NBEAL1: variants seen among roughly 807,000 people sequenced by gnomAD.
The protein encoded by NBEAL1 is neurobeachin like 1.
A neutral mutation model predicts 351.3 loss-of-function variants in NBEAL1; 273 were observed. The observed-to-expected ratio is 0.78, with a 90% CI of 0.70 to 0.86. NBEAL1 has a LOEUF of 0.86. Ranked by LOEUF, NBEAL1 falls within the 40% of genes least tolerant of loss-of-function variation. NBEAL1 has a pLI of 0.00. For missense variants in NBEAL1, 2,961 were observed against 3,201.3 expected, an observed-to-expected ratio of 0.92 and a Z score of 1.81; for synonymous variants, 1,050 against 1,086.4, an observed-to-expected ratio of 0.97 and a Z score of 0.66.
chr2:203,161,042 G>A (rs1447743997), intron 36 of NBEAL1, among the ~76,000 whole-genome samples: 1 of 151,938 alleles, frequency 6.6e-6, no homozygotes, highest in Admixed American at 6.6e-5. Flanking sequence ...AAATAGGCCA[G>A]GGAGGCTGGG....
chr2:203,167,485 TA>T, intron 38 of NBEAL1, 125 bp downstream of exon 38: 1 of 968,832 alleles, frequency 1.0e-6, no homozygotes, highest in South Asian at 2.1e-5. Flanking sequence ...AAAAAATACA[TA>T]CTTTGGGGGC....
intron 17 of NBEAL1, among the ~76,000 whole-genome samples, chr2:203,114,956 T>A (rs1190673281): frequency 3.3e-5 from 5 of 152,080 alleles, no homozygotes; most frequent in Non-Finnish European, 7.4e-5. Context: ...TTCGCCATGT[T>A]CGCTAGGCTG....
chr2:203,120,582 G>A (rs1000958600), intron 18 of NBEAL1, among the ~76,000 whole-genome samples: 1 of 152,162 alleles, frequency 6.6e-6, no homozygotes. Context: ...ATGTGTTTGG[G>A]TATAGGACAC....
At chr2:203,050,473 A>G (rs990058990) in intron 4 of NBEAL1, among the ~76,000 whole-genome samples, 3 of 152,156 alleles carry the variant, frequency 2.0e-5, no homozygotes, top group African/African-American at 7.2e-5. Context: ...ATTAAAGTCA[A>G]TGACAGTTTT....
In NBEAL1 at chr2:203,217,940, TA is replaced by T; in HGVS notation, c.*587del. 1.0e-6 allele frequency: 1 copy of T among 953,458 alleles called. No individual in the cohort carries two copies. The highest frequency in any genetic ancestry group is 1.2e-6 in the Non-Finnish European group (1 of 800,884). 59.1% of individuals were successfully genotyped at this position (953,458 alleles called of 1,614,324 possible). On this transcript the variant is annotated 3_prime_UTR_variant, in exon 56 of 56. Coordinates refer to ENST00000683969, the MANE Select transcript of NBEAL1 (RefSeq NM_001378026.1). ...ACTTAGCGTGTTTCTAATGAGAAGT[TA>T]CTGAAATCTATTACTGTCCTTAATA...
chr2:203,066,686 C>G (rs1177844117), intron 6 of NBEAL1, among the ~76,000 whole-genome samples: 1 of 151,480 alleles, frequency 6.6e-6, no homozygotes, highest in Non-Finnish European at 1.5e-5. Flanking sequence ...AGAGGCGCTC[C>G]TCACTTCCCA....
At chr2:203,203,541 G>C (rs113066939) in intron 51 of NBEAL1, among the ~76,000 whole-genome samples, 1 of 151,972 alleles carries the variant, frequency 6.6e-6, no homozygotes, top group Non-Finnish European at 1.5e-5. Context: ...AAAGTATCTA[G>C]AAATTTTCTT....
intron 2 of NBEAL1, among the ~76,000 whole-genome samples, chr2:203,034,350 G>C (rs1286272127): frequency 6.7e-6 from 1 of 149,040 alleles, no homozygotes; most frequent in East Asian, 2.0e-4. Flanking sequence ...GTAGAGACAG[G>C]GTTTCACCAT....
chr2:203,159,742 G>T (rs2063895953), intron 36 of NBEAL1, among the ~76,000 whole-genome samples: 1 of 151,900 alleles, frequency 6.6e-6, no homozygotes, highest in African/African-American at 2.4e-5. Flanking sequence ...TGTTGTCTTG[G>T]TTATCTACTG....
At chr2:203,172,127 A>G (rs2064338288) in intron 40 of NBEAL1, 104 bp downstream of exon 40, 1 of 523,458 alleles carries the variant, frequency 1.9e-6, no homozygotes, top group Non-Finnish European at 3.1e-6. Context: ...ATATAAAAAC[A>G]CTTTGGCCTT....
At chr2:203,212,076 G>A (rs1432018785) in intron 54 of NBEAL1, among the ~76,000 whole-genome samples, 1 of 151,800 alleles carries the variant, frequency 6.6e-6, no homozygotes, top group Non-Finnish European at 1.5e-5. Flanking sequence ...TAGTAGAGAT[G>A]AGGTTCCACC....
At position 203,116,153 on chromosome 2, in the gene NBEAL1, A is replaced by G. The variant is rs577008154; in HGVS notation, c.2592+83A>G. On this transcript the variant is annotated intron_variant, in intron 18 of 55. Transcript: ENST00000683969. ...CCTTTTCTATTCCTTTTGTCATTTC[A>G]TTGGGTAATTAAAAGGAGGGGTTTG... 2.0e-4 allele frequency: 189 copies of G among 928,320 alleles called. No homozygotes were observed. The African/African-American group carries it at 2.9e-3, about 14-fold the overall frequency. The allele number at this position is 928,320 out of a possible 1,614,324, so 57.5% of individuals were successfully genotyped here. A position where few individuals can be genotyped will look rare whatever the true frequency, so the allele number is the denominator to read the frequency against.
At chr2:203,109,324 G>C (rs2062509287) in intron 14 of NBEAL1, among the ~76,000 whole-genome samples, 1 of 152,080 alleles carries the variant, frequency 6.6e-6, no homozygotes, top group Non-Finnish European at 1.5e-5. Context: ...GCACCACTGT[G>C]CTCCAGCCTG....
intron 3 of NBEAL1, among the ~76,000 whole-genome samples, chr2:203,044,102 A>G (rs139657002): frequency 5.6e-4 from 85 of 152,296 alleles, no homozygotes; most frequent in African/African-American, 1.9e-3. Context: ...GATAATTGTG[A>G]TAATCCAGAG....
chr2:203,223,092 G>A lies in NBEAL1; in HGVS notation c.*5738G>A, dbSNP rs890030542. Among the ~76,000 whole-genome samples, 5 of 152,026 alleles carry A rather than the reference G, an allele frequency of 3.3e-5. No homozygotes were observed. Among genetic ancestry groups the A allele is most frequent in the African/African-American group, 4.8e-5 (2 of 41,408 alleles). On this transcript the variant is annotated 3_prime_UTR_variant, in exon 56 of 56. Coordinates refer to ENST00000683969, the MANE Select transcript of NBEAL1 (RefSeq NM_001378026.1). The stretch of plus-strand genomic sequence containing the variant: ...GTAATTCATCAGACACATCTCCTTC[G>A]TTTGGTGATTATCTCATTGATCTTT...
At chr2:203,202,815 C>G (rs767521251) in intron 51 of NBEAL1, 34 bp downstream of exon 51, 5 of 1,192,854 alleles carry the variant, frequency 4.2e-6, no homozygotes, top group Non-Finnish European at 6.2e-6. Context: ...TGAATTAGGT[C>G]AGAGATTCAC....
chr2:203,173,998 C>T (rs1227158969), intron 41 of NBEAL1, among the ~76,000 whole-genome samples: 1 of 151,678 alleles, frequency 6.6e-6, no homozygotes, highest in African/African-American at 2.4e-5. Flanking sequence ...CCATTCAGAC[C>T]AATTATGCAT....
chr2:203,124,525 A>T (rs747954024), intron 19 of NBEAL1, among the ~76,000 whole-genome samples: 1 of 152,232 alleles, frequency 6.6e-6, no homozygotes, highest in Admixed American at 6.5e-5. Context: ...CTGCTTCACT[A>T]TAGTAACCAT....
At chr2:203,115,032 G>A (rs1017829666) in intron 17 of NBEAL1, among the ~76,000 whole-genome samples, 12 of 152,048 alleles carry the variant, frequency 7.9e-5, no homozygotes, top group Non-Finnish European at 1.2e-4. Flanking sequence ...GATTACAGGC[G>A]TGAGCCACTG....
Sources: gnomAD v4.1 joint callset for allele counts (sites outside exome capture counted in the v4.1 genomes callset) on GRCh38, gnomAD v4.1.1 for gene constraint, MANE v1.5 for transcripts, NCBI Gene and HGNC (gene_info 2026-07-23, HGNC 2026-07-21) for gene names.